Variants in WNK1 observed in about 807,000 individuals in gnomAD.
The protein encoded by WNK1 is serine/threonine-protein kinase WNK1.
Under a neutral mutation model 222.8 loss-of-function variants are expected in WNK1, and 38 were observed. The ratio of observed to expected loss-of-function variants is 0.17; its 90% CI spans 0.13 to 0.22. The LOEUF is 0.22. Ranked by LOEUF, WNK1 falls within the 10% of genes least tolerant of loss-of-function variation. The pLI is 1.00. For synonymous variants in WNK1, 1,090 were observed against 1,092.9 expected (o/e 1.00, Z 0.05); for missense variants, 2,348 against 2,918.4 (o/e 0.80, Z 4.50).
chr12:879,447 T>G (rs1003373123), intron 10 of WNK1, 126 bp from the exon 11 acceptor site: 16 of 537,340 alleles, frequency 3.0e-5, no homozygotes, highest in African/African-American at 1.9e-4. Flanking sequence ...TGGTTTGGTG[T>G]TTTTTTTTTT....
intron 25 of WNK1, among the ~76,000 whole-genome samples, chr12:898,667 A>C (rs1463079458): frequency 6.6e-6 from 1 of 151,910 alleles, no homozygotes; most frequent in Non-Finnish European, 1.5e-5. Flanking sequence ...TCAAACTCCT[A>C]GGCTCAGGTG....
intron 1 of WNK1, among the ~76,000 whole-genome samples, chr12:760,390 C>T (rs187032848): frequency 6.8e-6 from 1 of 147,604 alleles, no homozygotes; most frequent in Non-Finnish European, 1.5e-5. Flanking sequence ...TTCTAGATTA[C>T]CCAATTTTCT....
chr12:857,891 C>G lies in WNK1; in HGVS notation c.1400+642C>G, dbSNP rs186144821. ...GAAAAACAGTCTATCTTTGCCACCC[C>G]CTTCCATCCTCCAAAAAAGAAAAAG... On this transcript the variant is annotated intron_variant, in intron 5 of 27. Coordinates refer to ENST00000315939, the MANE Select transcript of WNK1 (RefSeq NM_018979.4). Among the ~76,000 whole-genome samples, 161 of 152,226 alleles carry G rather than the reference C, an allele frequency of 1.1e-3. 2 individuals are homozygous for G. The highest frequency in any genetic ancestry group is 7.7e-3 in the South Asian group (37 of 4,820).
chr12:778,949 G>T (rs1421600371), intron 1 of WNK1, among the ~76,000 whole-genome samples: 1 of 152,084 alleles, frequency 6.6e-6, no homozygotes, highest in Middle Eastern at 3.2e-3. Flanking sequence ...CAGAACTCAG[G>T]GAGGAATAAA....
At chr12:879,247 TA>T (rs922805084) in intron 10 of WNK1, among the ~76,000 whole-genome samples, 20 of 147,594 alleles carry the variant, frequency 1.4e-4, no homozygotes, top group Admixed American at 3.4e-4. Flanking sequence ...ATAAAGCTGT[TA>T]AAAAAAAAAG....
At position 909,745 on chromosome 12, in the gene WNK1, C is replaced by T. The variant is rs1592285654; in HGVS notation, c.*953C>T. 1 of 152,338 alleles carries T rather than the reference C, an allele frequency of 6.6e-6. No homozygotes were observed. The highest frequency in any genetic ancestry group is 1.9e-4 in the East Asian group (1 of 5,194). 9.4% of individuals were successfully genotyped at this position (152,338 alleles called of 1,614,324 possible). A position where few individuals can be genotyped will look rare whatever the true frequency, so the allele number is the denominator to read the frequency against. The stretch of plus-strand genomic sequence containing the variant: ...CCATTAGCATCAACTTACCAGACCC[C>T]AGATCAATAAAGGGCATGTGGAAGG... On this transcript the variant is annotated 3_prime_UTR_variant, in exon 28 of 28. Transcript: ENST00000315939.
intron 4 of WNK1, among the ~76,000 whole-genome samples, chr12:850,583 A>G (rs1345586347): frequency 6.6e-6 from 1 of 151,966 alleles, no homozygotes; most frequent in African/African-American, 2.4e-5. Context: ...ATTAGATCCC[A>G]TTTGTCAATT....
intron 9 of WNK1, 31 bp from the exon 10 acceptor site, chr12:878,181 A>G (rs780709404): frequency 6.8e-6 from 11 of 1,614,028 alleles, no homozygotes; most frequent in Non-Finnish European, 9.3e-6. Context: ...TTGATTTGAA[A>G]TAAAACTGAA....
chr12:812,123 T>A (rs1423052555), intron 1 of WNK1, among the ~76,000 whole-genome samples: 1 of 152,200 alleles, frequency 6.6e-6, no homozygotes, highest in Admixed American at 6.5e-5. Flanking sequence ...TTTTTTACAA[T>A]AAGCTTTTAC....
At chr12:841,769 G>T (rs527412506) in intron 4 of WNK1, among the ~76,000 whole-genome samples, 1 of 152,100 alleles carries the variant, frequency 6.6e-6, no homozygotes, top group East Asian at 1.9e-4. Flanking sequence ...GGACTTTCTC[G>T]TGTCATTTTC....
chr12:798,138 T>C (rs1289405555), intron 1 of WNK1, among the ~76,000 whole-genome samples: 1 of 152,042 alleles, frequency 6.6e-6, no homozygotes, highest in African/African-American at 2.4e-5. Flanking sequence ...CTTGTTCTGC[T>C]TCCTGGTTTT....
intron 2 of WNK1, among the ~76,000 whole-genome samples, chr12:822,295 C>T (rs7309858): frequency 0.64 from 96,569 of 151,412 alleles, 31,656 homozygotes; most frequent in East Asian, 0.87. Context: ...GGTTTCACCA[C>T]GTTGGTCAGG....
chr12:816,654 A>G (rs1055155338), intron 2 of WNK1, among the ~76,000 whole-genome samples: 1 of 152,108 alleles, frequency 6.6e-6, no homozygotes, highest in African/African-American at 2.4e-5. Flanking sequence ...TCTACTTGGT[A>G]CAGGAATCCC....
chr12:868,706 C>G (rs776943255), intron 8 of WNK1: 2 of 1,613,766 alleles, frequency 1.2e-6, no homozygotes, highest in East Asian at 2.2e-5. Flanking sequence ...CCGAAATCGG[C>G]AGGTTGCAGT....
chr12:781,074 A>G (rs1352927934), intron 1 of WNK1: 3 of 152,168 alleles, frequency 2.0e-5, no homozygotes, highest in African/African-American at 4.9e-5. Context: ...CTTACTAGCA[A>G]TGAGCTGTTT....
intron 8 of WNK1, among the ~76,000 whole-genome samples, chr12:863,393 TTC>T (rs143966606): frequency 9.8e-4 from 149 of 152,258 alleles, no homozygotes; most frequent in African/African-American, 3.5e-3. Flanking sequence ...ACAATCTACT[TTC>T]TGTCTTTAAA....
At chr12:889,582 G>T (rs992558482) in intron 21 of WNK1, among the ~76,000 whole-genome samples, 1 of 152,192 alleles carries the variant, frequency 6.6e-6, no homozygotes, top group African/African-American at 2.4e-5. Context: ...ACTTTGGGAG[G>T]CCGAGGCGGG....
At chr12:845,455 T>C (rs1465085463) in intron 4 of WNK1, among the ~76,000 whole-genome samples, 3 of 152,262 alleles carry the variant, frequency 2.0e-5, no homozygotes, top group East Asian at 3.9e-4. Context: ...ACTCTCCCCC[T>C]TCTGTAGATT....
chr12:868,327 C>T, intron 8 of WNK1: 1 of 1,613,170 alleles, frequency 6.2e-7, no homozygotes, highest in South Asian at 1.1e-5. Context: ...AGTATGAGGG[C>T]ATTCCATACA....
Sources: gnomAD v4.1 joint callset for allele counts (sites outside exome capture counted in the v4.1 genomes callset) on GRCh38, gnomAD v4.1.1 for gene constraint, MANE v1.5 for transcripts, NCBI Gene and HGNC (gene_info 2026-07-23, HGNC 2026-07-21) for gene names.